EIF3J: variants seen among roughly 807,000 people sequenced by gnomAD.
EIF3J encodes the protein eukaryotic translation initiation factor 3 subunit J, also known as eukaryotic translation initiation factor 3, subunit 1 (alpha, 35kD).
In EIF3J, 15 loss-of-function variants were observed where a neutral mutation model predicts 39.0. That is an observed-to-expected ratio of 0.38 (90% CI 0.26 to 0.59). EIF3J has a LOEUF of 0.59. Ranked by LOEUF, EIF3J falls within the 20% of genes least tolerant of loss-of-function variation. The pLI is 0.60. For missense variants in EIF3J, 226 were observed against 308.6 expected (o/e 0.73, Z 2.00); for synonymous variants, 98 against 112.9 (o/e 0.87, Z 0.84).
rs2082155453 is a variant in EIF3J at position 44,557,512 on chromosome 15, A to C, written c.433A>C (p.Ile145Leu). The C allele has an allele frequency of 6.5e-7, 1 of 1,542,294 alleles. No individual in the cohort carries two copies. Residue 145 changes from isoleucine to leucine, a missense_variant, in exon 6 of 8, where the codon ATA (isoleucine) becomes CTA (leucine). By Grantham distance (5) the Ile-to-Leu change is conservative (BLOSUM62 2). Coordinates refer to ENST00000261868, the MANE Select transcript of EIF3J (RefSeq NM_003758.4). ...AGGTGTTAATAATGCAGTTTATGGAATAGATGCTATGAACCCATCTTCAAG... is the reference window on the plus strand; with the variant it reads ...AGGTGTTAATAATGCAGTTTATGGACTAGATGCTATGAACCCATCTTCAAG... ...TFGVNNAVYGIDAMNPSSRDD... is the reference protein window; with the variant it reads ...TFGVNNAVYGLDAMNPSSRDD...
rs1851148658 is a variant in EIF3J, at chr15:44,551,223, G to A, written c.203-208G>A. The stretch of plus-strand genomic sequence containing the variant: ...TCTAAGCCCTGCCTATAGGACGGTG[G>A]GGAAATATGAAGAGATATTTGGATC... On this transcript the variant is annotated intron_variant, in intron 3 of 7. Coordinates refer to ENST00000261868, the MANE Select transcript of EIF3J (RefSeq NM_003758.4). 2.0e-5 allele frequency among the ~76,000 whole-genome samples: 3 copies of A among 152,130 alleles called. 1 individual carries two copies. In the South Asian group the frequency reaches 6.2e-4, roughly 31 times the overall value.
intron 4 of EIF3J, among the ~76,000 whole-genome samples, chr15:44,552,555 TTC>T (rs1184663402): frequency 6.7e-6 from 1 of 150,116 alleles, no homozygotes; most frequent in East Asian, 2.0e-4. Flanking sequence ...TATTTTCTAT[TTC>T]TTTTCTTTTC....
chr15:44,546,817 T>G (rs188696644), intron 2 of EIF3J, among the ~76,000 whole-genome samples: 228 of 89,756 alleles, frequency 2.5e-3, no homozygotes, highest in African/African-American at 0.014. Context: ...AGTATAGATC[T>G]TTTTTTTTTT....
chr15:44,557,073 G>A (rs1263052616), intron 5 of EIF3J, among the ~76,000 whole-genome samples: 1 of 152,144 alleles, frequency 6.6e-6, no homozygotes, highest in African/African-American at 2.4e-5. Flanking sequence ...AGAATTATAT[G>A]CTTCCTTATC....
intron 1 of EIF3J, 40 bp from the exon 2 acceptor site, chr15:44,537,284 C>G (rs762767033): frequency 1.8e-5 from 28 of 1,565,564 alleles, no homozygotes; most frequent in Non-Finnish European, 2.4e-5. Context: ...GCCGGCCCCA[C>G]GCAGTGGCAG....
At chr15:44,544,959 G>A (rs1387767695) in intron 2 of EIF3J, among the ~76,000 whole-genome samples, 5 of 151,380 alleles carry the variant, frequency 3.3e-5, no homozygotes, top group African/African-American at 9.7e-5. Flanking sequence ...AGCTGAGATT[G>A]CGCCACTGCA....
Position 44,561,879 on chromosome 15 carries a change from A to G in EIF3J, c.*730A>G, listed in dbSNP as rs1341447078. The G allele has an allele frequency of 6.6e-6, 1 of 152,594 alleles. No individual in the cohort carries two copies. Among genetic ancestry groups the G allele is most frequent in the African/African-American group, 2.4e-5 (1 of 41,444 alleles). 9.5% of individuals were successfully genotyped at this position (152,594 alleles called of 1,614,324 possible). A position where few individuals can be genotyped will look rare whatever the true frequency, so the allele number is the denominator to read the frequency against. On this transcript the variant is annotated 3_prime_UTR_variant, in exon 8 of 8. Transcript: ENST00000261868. Reference sequence around the variant, plus strand: ...AACTTATTTTTATTTGCCTGATTTAAGTGTCTGAGAAACAAATCTTTGTTC... The same window carrying G: ...AACTTATTTTTATTTGCCTGATTTAGGTGTCTGAGAAACAAATCTTTGTTC...
intron 6 of EIF3J, among the ~76,000 whole-genome samples, chr15:44,559,416 AAAAAAT>A (rs2082172517): frequency 6.7e-6 from 1 of 148,394 alleles, no homozygotes; most frequent in South Asian, 2.1e-4. Flanking sequence ...GTCTCAAAAA[AAAAAAT>A]AAAATAGGCC....
At position 44,554,619 on chromosome 15, in the gene EIF3J, A is replaced by C. The variant is rs376601034; in HGVS notation, c.361A>C (p.Lys121Gln). The C allele has an allele frequency of 2.1e-5, 34 of 1,613,078 alleles. No individual in the cohort carries two copies. The highest frequency in any genetic ancestry group is 2.6e-5 in the Non-Finnish European group (31 of 1,179,676). The stretch of plus-strand genomic sequence containing the variant: ...ACAATTAGCAGATAAACTGCGGCTA[A>C]AGAAATTACAGGAAGAGTCAGACCT... Reference protein sequence around the residue: ...EEQLADKLRLKKLQEESDLEL... With the variant: ...EEQLADKLRLQKLQEESDLEL... Residue 121 changes from lysine (K) to glutamine (Q), a missense_variant, in exon 5 of 8, where the codon AAG becomes CAG. Lys to Gln is a moderately conservative substitution (Grantham distance 53). Around this residue, in one of 2 missense-constraint regions of EIF3J, gnomAD observed 143 missense variants for 156.0 expected, o/e 0.92. Transcript: ENST00000261868.
chr15:44,552,437 G>A (rs925061831), intron 4 of EIF3J, among the ~76,000 whole-genome samples: 1 of 151,958 alleles, frequency 6.6e-6, no homozygotes, highest in Non-Finnish European at 1.5e-5. Flanking sequence ...TAGAGATGGG[G>A]TTTCGCCATG....
chr15:44,557,341 C>G (rs990700882), intron 5 of EIF3J, 148 bp from the exon 6 acceptor site: 39 of 465,162 alleles, frequency 8.4e-5, no homozygotes, highest in Non-Finnish European at 1.4e-5. Flanking sequence ...CCCAGCCATT[C>G]TATCCAGTGA....
chr15:44,556,787 C>T (rs975394694), intron 5 of EIF3J, among the ~76,000 whole-genome samples: 7 of 151,900 alleles, frequency 4.6e-5, no homozygotes, highest in Admixed American at 6.6e-5. Context: ...GTTGGGATTA[C>T]GGGTGTTAGC....
rs2082216203 is a variant in EIF3J, at chr15:44,562,665, A to C, written c.*1516A>C. ...ATTCCTTTAAGGCAGACAAGGGCTA[A>C]GATTTCCTTAGCAGTAATAATGACA... On this transcript the variant is annotated 3_prime_UTR_variant, in exon 8 of 8. Coordinates refer to ENST00000261868, the MANE Select transcript of EIF3J (RefSeq NM_003758.4). The C allele has an allele frequency of 6.3e-6, 1 of 158,168 alleles. No homozygotes were observed. The highest frequency in any genetic ancestry group is 1.4e-5 in the Non-Finnish European group (1 of 71,364). 9.8% of individuals were successfully genotyped at this position (158,168 alleles called of 1,614,324 possible). A position where few individuals can be genotyped will look rare whatever the true frequency, so the allele number is the denominator to read the frequency against.
chr15:44,557,592 A>G lies in EIF3J; in HGVS notation c.513A>G (p.Glu171=). 1 of 1,545,516 alleles carries G rather than the reference A, an allele frequency of 6.5e-7. No individual in the cohort carries two copies. Residue 171 remains glutamate (E), a synonymous_variant, in exon 6 of 8, where the codon GAA becomes GAG. Transcript: ENST00000261868. ...TAAAAGATAAAATTACACAATATGA[A>G]AAGTCACTATATTATGCCAGTTTTT... ...KLLKDKITQY[E]KSLYYASFLE...
Position 44,537,163 on chromosome 15 carries a change from T to C in EIF3J, c.-32T>C. 6.2e-7 allele frequency: 1 copy of C among 1,612,804 alleles called. No homozygotes were observed. ...CGCCGTGCTAACTCCTCGCTAGCTC[T>C]CCCTCTCACACACGCTCACACCCGG... On this transcript the variant is annotated 5_prime_UTR_variant, in exon 1 of 8. Transcript: ENST00000261868.
At chr15:44,554,288 A>T (rs962464367) in intron 4 of EIF3J, among the ~76,000 whole-genome samples, 1 of 151,540 alleles carries the variant, frequency 6.6e-6, no homozygotes, top group East Asian at 2.0e-4. Flanking sequence ...GAGGTATGAG[A>T]ATCACTTGAA....
chr15:44,562,252 C>G lies in EIF3J; in HGVS notation c.*1103C>G, dbSNP rs2082206841. ...TCCTTATGTTGTCACCATAGAGCAACAAAGGTATAGGGCTGCCTTCCTCTT... is the reference window on the plus strand; with the variant it reads ...TCCTTATGTTGTCACCATAGAGCAAGAAAGGTATAGGGCTGCCTTCCTCTT... On this transcript the variant is annotated 3_prime_UTR_variant, in exon 8 of 8. Coordinates refer to ENST00000261868, the MANE Select transcript of EIF3J (RefSeq NM_003758.4). 1 of 152,490 alleles carries G rather than the reference C, an allele frequency of 6.6e-6. No individual in the cohort carries two copies. The highest frequency in any genetic ancestry group is 2.4e-5 in the African/African-American group (1 of 41,410). 9.4% of individuals were successfully genotyped at this position (152,490 alleles called of 1,614,324 possible).
intron 2 of EIF3J, among the ~76,000 whole-genome samples, chr15:44,539,287 A>C (rs191702147): frequency 1.3e-5 from 2 of 152,076 alleles, no homozygotes; most frequent in Admixed American, 1.3e-4. Context: ...TAGCCTCCCA[A>C]AGTGCTGGAA....
rs1222404611 is a variant in EIF3J at position 44,541,904 on chromosome 15, A to T, written c.147+4477A>T. ...CAATCATATCATTTCATACCCTGCC[A>T]CTTTTATAAACTAGCAAGTTTTGAA... On this transcript the variant is annotated intron_variant, in intron 2 of 7. Transcript: ENST00000261868. 2.6e-5 allele frequency among the ~76,000 whole-genome samples: 4 copies of T among 152,208 alleles called. No individual in the cohort carries two copies. The South Asian group carries it at 8.3e-4, about 31-fold the overall frequency.
Sources: gnomAD v4.1 joint callset for allele counts (sites outside exome capture counted in the v4.1 genomes callset) on GRCh38, gnomAD v4.1.1 for gene constraint, gnomAD v4.1.1 regional missense constraint, MANE v1.5 for transcripts, NCBI Gene and HGNC (gene_info 2026-07-23, HGNC 2026-07-21) for gene names.